The following ATP8A2 variants were observed in gnomAD, a reference collection of about 807,000 sequenced individuals.
ATP8A2 encodes the protein phospholipid-transporting ATPase IB.
Under a neutral mutation model 165.6 loss-of-function variants are expected in ATP8A2, and 100 were observed. The observed-to-expected ratio is 0.60, with a 90% CI of 0.51 to 0.71. The LOEUF (loss-of-function observed/expected upper bound fraction) is 0.71, where lower values mean the gene tolerates loss of function less well. Ranked by LOEUF, ATP8A2 falls within the 30% of genes least tolerant of loss-of-function variation. ATP8A2 has a pLI of 0.00. For synonymous variants in ATP8A2, 543 were observed against 548.8 expected (o/e 0.99, Z 0.15); for missense variants, 1,227 against 1,479.5 (o/e 0.83, Z 2.80).
intron 24 of ATP8A2, among the ~76,000 whole-genome samples, chr13:25,670,272 C>G (rs1475160088): frequency 6.6e-6 from 1 of 152,170 alleles, no homozygotes; most frequent in Non-Finnish European, 1.5e-5. Flanking sequence ...GATAGTCCCA[C>G]TGCATAGAAA....
intron 1 of ATP8A2, among the ~76,000 whole-genome samples, chr13:25,404,479 A>AGT (rs1409330650): frequency 6.6e-6 from 1 of 151,966 alleles, no homozygotes; most frequent in Non-Finnish European, 1.5e-5. Flanking sequence ...CACCGTGGAG[A>AGT]GTGGCTTGGA....
At chr13:25,547,898 A>G (rs529321132) in intron 10 of ATP8A2, among the ~76,000 whole-genome samples, 1 of 152,296 alleles carries the variant, frequency 6.6e-6, no homozygotes, top group East Asian at 1.9e-4. Flanking sequence ...TTATGGAAGA[A>G]TTTATAATAC....
At chr13:25,978,444 TG>T (rs1275710885) in intron 35 of ATP8A2, among the ~76,000 whole-genome samples, 1 of 152,178 alleles carries the variant, frequency 6.6e-6, no homozygotes, top group African/African-American at 2.4e-5. Flanking sequence ...ATCCTAAAAT[TG>T]AGTTACAATT....
At chr13:25,978,348 C>T (rs1048069920) in intron 35 of ATP8A2, among the ~76,000 whole-genome samples, 10 of 152,122 alleles carry the variant, frequency 6.6e-5, no homozygotes, top group African/African-American at 1.9e-4. Context: ...CTTTTCCCTT[C>T]GGCTTCCCGT....
intron 34 of ATP8A2, among the ~76,000 whole-genome samples, chr13:25,964,686 G>A (rs962602391): frequency 5.3e-5 from 8 of 152,204 alleles, no homozygotes; most frequent in Non-Finnish European, 4.4e-5. Context: ...GGGGTTCCCA[G>A]AAAGGGTGTG....
intron 24 of ATP8A2, among the ~76,000 whole-genome samples, chr13:25,594,213 C>T (rs1565962324): frequency 6.6e-6 from 1 of 152,260 alleles, no homozygotes; most frequent in Admixed American, 6.5e-5. Flanking sequence ...ATCATTTACT[C>T]TAAAATTTCA....
intron 33 of ATP8A2, among the ~76,000 whole-genome samples, chr13:25,940,900 C>T (rs1428274182): frequency 1.3e-5 from 2 of 152,300 alleles, no homozygotes; most frequent in South Asian, 2.1e-4. Context: ...TCAACAGCAA[C>T]GTGGGTTGTC....
chr13:25,799,419 G>A (rs1262337650), intron 27 of ATP8A2, among the ~76,000 whole-genome samples: 2 of 152,190 alleles, frequency 1.3e-5, no homozygotes, highest in African/African-American at 4.8e-5. Context: ...AATCAAAACA[G>A]CCAATATGCC....
intron 1 of ATP8A2, among the ~76,000 whole-genome samples, chr13:25,458,376 C>T (rs1276653577): frequency 6.6e-6 from 1 of 152,132 alleles, no homozygotes; most frequent in Non-Finnish European, 1.5e-5. Flanking sequence ...AGAAGAGATA[C>T]CTAAGCAGGT....
At chr13:25,386,215 C>T (rs557987290) in intron 1 of ATP8A2, among the ~76,000 whole-genome samples, 4 of 151,872 alleles carry the variant, frequency 2.6e-5, no homozygotes, top group East Asian at 1.9e-4. Context: ...CTCTCCTGGC[C>T]GGGCTTAATT....
chr13:25,634,738 C>T (rs1377108852), intron 24 of ATP8A2, among the ~76,000 whole-genome samples: 2 of 152,024 alleles, frequency 1.3e-5, no homozygotes, highest in African/African-American at 4.8e-5. Context: ...AGACCTGTAC[C>T]AAGCATTTCT....
chr13:25,570,715 G>C, intron 16 of ATP8A2, 52 bp from the exon 17 acceptor site: 2 of 1,396,328 alleles, frequency 1.4e-6, no homozygotes, highest in Non-Finnish European at 2.0e-6. Flanking sequence ...TGTGAGCCCT[G>C]GTGCCTGTTG....
intron 35 of ATP8A2, among the ~76,000 whole-genome samples, chr13:25,973,403 G>A (rs940255646): frequency 6.6e-6 from 1 of 152,074 alleles, no homozygotes; most frequent in South Asian, 2.1e-4. Flanking sequence ...CTCTAAACAG[G>A]CAGGGCCCTG....
At chr13:25,797,673 G>A (rs1950524924) in intron 27 of ATP8A2, among the ~76,000 whole-genome samples, 1 of 152,050 alleles carries the variant, frequency 6.6e-6, no homozygotes, top group African/African-American at 2.4e-5. Flanking sequence ...CTTTTCTATA[G>A]TATTTTTACA....
At chr13:25,784,696 A>G (rs1383677071) in intron 27 of ATP8A2, among the ~76,000 whole-genome samples, 1 of 152,154 alleles carries the variant, frequency 6.6e-6, no homozygotes, top group Non-Finnish European at 1.5e-5. Flanking sequence ...TTTCTTATCC[A>G]ACTGAAATCT....
chr13:25,535,304 A>T (rs1384562236), intron 6 of ATP8A2, among the ~76,000 whole-genome samples: 1 of 152,192 alleles, frequency 6.6e-6, no homozygotes, highest in Non-Finnish European at 1.5e-5. Flanking sequence ...CCTGGGCTGT[A>T]GCTGAGTCAC....
At chr13:25,908,651 AG>A (rs1353341301) in intron 33 of ATP8A2, among the ~76,000 whole-genome samples, 1 of 152,224 alleles carries the variant, frequency 6.6e-6, no homozygotes, top group African/African-American at 2.4e-5. Context: ...TCAAGCCTCA[AG>A]GGGGCTGAGC....
intron 25 of ATP8A2, among the ~76,000 whole-genome samples, chr13:25,754,016 G>A (rs542332010): frequency 5.9e-5 from 9 of 152,292 alleles, no homozygotes; most frequent in East Asian, 5.8e-4. Context: ...TCAATGAGCC[G>A]TTAGGCACTG....
chr13:26,000,657 C>A (rs1400919308), intron 35 of ATP8A2, among the ~76,000 whole-genome samples: 1 of 127,504 alleles, frequency 7.8e-6, no homozygotes, highest in Non-Finnish European at 1.6e-5. Context: ...CCTTTCATAG[C>A]AATAGTTCCC....
Sources: gnomAD v4.1 joint callset for allele counts (sites outside exome capture counted in the v4.1 genomes callset) on GRCh38, gnomAD v4.1.1 for gene constraint, MANE v1.5 for transcripts, NCBI Gene and HGNC (gene_info 2026-07-23, HGNC 2026-07-21) for gene names.